Variants in LSS observed in about 807,000 individuals in gnomAD.
The protein encoded by LSS is 2,3-epoxysqualene-lanosterol cyclase.
LSS carries 90 observed loss-of-function variants against 110.3 expected under a neutral mutation model. That is an observed-to-expected ratio of 0.82 (90% CI 0.69 to 0.97). The LOEUF is 0.97. Among genes scored for constraint, LSS ranks in the 50% least tolerant of loss-of-function variants. The probability of loss-of-function intolerance (pLI) is 0.00; values close to 1 mark genes in which losing one functional copy is unlikely to be tolerated. For synonymous variants in LSS, 433 were observed against 400.0 expected (o/e 1.08, Z -0.98); for missense variants, 927 against 990.0 (o/e 0.94, Z 0.85).
At position 46,192,076 on chromosome 21, in the gene LSS, G is replaced by A. The variant is rs959464883; in HGVS notation, c.1989-117C>T. On this transcript the variant is annotated intron_variant, in intron 20 of 21. Transcript: ENST00000397728. The stretch of plus-strand genomic sequence containing the variant: ...GGAATGCTGCAGTGAGAATGGATGG[G>A]TCTAAACTGACGCCCACAGGCCCCG... 14 of 819,178 alleles carry A rather than the reference G, an allele frequency of 1.7e-5. No individual in the cohort carries two copies. In the African/African-American group the frequency reaches 2.4e-4, roughly 14 times the overall value. The allele number at this position is 819,178 out of a possible 1,614,324, so 50.7% of individuals were successfully genotyped here. A position where few individuals can be genotyped will look rare whatever the true frequency, so the allele number is the denominator to read the frequency against.
Position 46,188,991 on chromosome 21 carries a change from T to C in LSS, c.*2113A>G. On this transcript the variant is annotated 3_prime_UTR_variant, in exon 22 of 22. Coordinates refer to ENST00000397728, the MANE Select transcript of LSS (RefSeq NM_002340.6). ...TCAGGTAACTGGAGACGCACCCTGCTACTCCTCACGTCACTCTTGTTCCCT... is the reference window on the plus strand; with the variant it reads ...TCAGGTAACTGGAGACGCACCCTGCCACTCCTCACGTCACTCTTGTTCCCT... The C allele has an allele frequency of 2.8e-6, 1 of 351,560 alleles. No individual in the cohort carries two copies. Among genetic ancestry groups the C allele is most frequent in the South Asian group, 2.2e-5 (1 of 45,746 alleles). The allele number at this position is 351,560 out of a possible 1,614,324, so 21.8% of individuals were successfully genotyped here.
chr21:46,205,279 G>A (rs1365629007), intron 17 of LSS, among the ~76,000 whole-genome samples: 1 of 136,986 alleles, frequency 7.3e-6, no homozygotes, highest in East Asian at 2.0e-4. Flanking sequence ...CGAGCCACCT[G>A]ACTAACCGCG....
At position 46,227,619 on chromosome 21, in the gene LSS, G is replaced by A. The variant is rs780658837; in HGVS notation, c.252C>T (p.Tyr84=). ...FEGALNGMTF[Y]VGLQAEDGHW... is the part of the protein sequence containing the mutation. ...GCCCATCCTCAGCCTGCAGCCCCAC[G>A]TAAAATGTCATCCCGTTCAGAGCCC... is the stretch of plus-strand genomic sequence containing the variant. Residue 84 remains tyrosine (Y), a synonymous_variant, in exon 3 of 22, where the codon TAC becomes TAT. Coordinates refer to ENST00000397728, the MANE Select transcript of LSS (RefSeq NM_002340.6). 2.7e-5 allele frequency: 43 copies of A among 1,613,616 alleles called. No homozygotes were observed. The highest frequency in any genetic ancestry group is 3.4e-5 in the Non-Finnish European group (40 of 1,179,982).
At chr21:46,192,143 C>T (rs1290681058) in intron 20 of LSS, 184 bp from the exon 21 acceptor site, 5 of 626,190 alleles carry the variant, frequency 8.0e-6, no homozygotes, top group Non-Finnish European at 1.4e-5. Context: ...ACACCTTCTT[C>T]CTAGGCTCCC....
Position 46,227,547 on chromosome 21 carries a change from C to T in LSS, c.319+5G>A. 2 of 1,613,958 alleles carry T rather than the reference C, an allele frequency of 1.2e-6. No individual in the cohort carries two copies. The highest frequency in any genetic ancestry group is 1.7e-6 in the Non-Finnish European group (2 of 1,179,978). On this transcript the variant is annotated splice_donor_5th_base_variant and intron_variant, in intron 3 of 21. Transcript: ENST00000397728. ...TACCATCAGGCTGGGGCAGCATACT[C>T]CTACCTGGCAGGAGGAAAAGTGGGC...
Position 46,214,110 on chromosome 21 carries a change from G to A in LSS, c.1012-275C>T, listed in dbSNP as rs2080169527. On this transcript the variant is annotated intron_variant, in intron 9 of 21. Coordinates refer to ENST00000397728, the MANE Select transcript of LSS (RefSeq NM_002340.6). Reference sequence around the variant, plus strand: ...GAGCAGCACTCCACCAGGGAGAAGCGAGGGGTTCCAGGAGAAACCAGAGGG... The same window carrying A: ...GAGCAGCACTCCACCAGGGAGAAGCAAGGGGTTCCAGGAGAAACCAGAGGG... Among the ~76,000 whole-genome samples the A allele has an allele frequency of 5.3e-5, 8 of 152,336 alleles. No individual in the cohort carries two copies. The South Asian group carries it at 1.7e-3, about 32-fold the overall frequency.
intron 20 of LSS, chr21:46,193,204 C>T (rs1438076795): frequency 4.5e-6 from 2 of 447,146 alleles, no homozygotes; most frequent in African/African-American, 2.1e-5. Flanking sequence ...AGATGGGATG[C>T]TGTGGGTGTA....
At chr21:46,214,535 G>A (rs73386507) in intron 9 of LSS, among the ~76,000 whole-genome samples, 2,076 of 152,310 alleles carry the variant, frequency 0.014, 36 homozygotes, top group African/African-American at 0.047. Context: ...GGTATGTCCA[G>A]AGAATGCCTA....
chr21:46,212,925 C>G (rs1466686799), intron 11 of LSS, 100 bp downstream of exon 11: 13 of 1,442,146 alleles, frequency 9.0e-6, no homozygotes, highest in African/African-American at 1.4e-5. Flanking sequence ...GCTGCCGGGA[C>G]CTGGTCCAGG....
In LSS at chr21:46,219,495, T is replaced by C; in HGVS notation, c.628A>G (p.Thr210Ala). 6.3e-7 allele frequency: 1 copy of C among 1,599,316 alleles called. No individual in the cohort carries two copies. Among genetic ancestry groups the C allele is most frequent in the Non-Finnish European group, 8.5e-7 (1 of 1,172,960 alleles). Reference protein sequence around the residue: ...LNVYSWEGLNTLFPEMWLFPD... With the variant: ...LNVYSWEGLNALFPEMWLFPD... ...ACATACCACATCTCTGGGAACAGGG[T>C]ATTGAGGCCTTCCCAGCTGTAAACA... is the stretch of plus-strand genomic sequence containing the variant. Residue 210 changes from threonine to alanine, a missense_variant, in exon 6 of 22, where the codon ACC (threonine) becomes GCC (alanine). Thr to Ala is a moderately conservative substitution (Grantham distance 58, BLOSUM62 0). Transcript: ENST00000397728.
intron 17 of LSS, among the ~76,000 whole-genome samples, chr21:46,200,188 A>G (rs2079961749): frequency 6.6e-6 from 1 of 152,232 alleles, no homozygotes. Context: ...ATGCGTCCAC[A>G]GTGATAAATA....
At chr21:46,199,452 G>A (rs1483979352) in intron 17 of LSS, among the ~76,000 whole-genome samples, 7 of 152,190 alleles carry the variant, frequency 4.6e-5, no homozygotes, top group Admixed American at 4.6e-4. Context: ...ATACAGTTTG[G>A]CAGCTTCTTA....
chr21:46,224,121 T>C (rs2080309509), intron 3 of LSS, among the ~76,000 whole-genome samples: 1 of 152,232 alleles, frequency 6.6e-6, no homozygotes. Flanking sequence ...TAGATAGCAG[T>C]AGTCAATTAG....
chr21:46,207,179 TCCC>T (rs952004207), intron 15 of LSS, among the ~76,000 whole-genome samples: 1 of 152,092 alleles, frequency 6.6e-6, no homozygotes. Context: ...CCACGCCGGC[TCCC>T]CCAAGTATCG....
chr21:46,209,694 C>T lies in LSS; in HGVS notation c.1195-69G>A, dbSNP rs980120052. 1.0e-4 allele frequency: 147 copies of T among 1,408,272 alleles called. 1 individual carries two copies. In the South Asian group the frequency reaches 1.6e-3, roughly 15 times the overall value. 87.2% of individuals were successfully genotyped at this position (1,408,272 alleles called of 1,614,324 possible). A position where few individuals can be genotyped will look rare whatever the true frequency, so the allele number is the denominator to read the frequency against. ...GGCCAGCATGGCTGCGCTGGTTTCC[C>T]GATGGTCCTGGCCACATCCTGCCCC... On this transcript the variant is annotated intron_variant, in intron 12 of 21. Coordinates refer to ENST00000397728, the MANE Select transcript of LSS (RefSeq NM_002340.6). This position sits in a 1 kb window ranked among gnomAD's most constrained non-coding sequence, Gnocchi z 4.4.
rs572108875 is a variant in LSS, at chr21:46,209,839, G to T, written c.1195-214C>A. On this transcript the variant is annotated intron_variant, in intron 12 of 21. Transcript: ENST00000397728. This position sits in a 1 kb window ranked among gnomAD's most constrained non-coding sequence, Gnocchi z 4.4. ...GAGATATGACTGAAGATGGAAGGGC[G>T]CAGGAGACCATTTATGGATGCCAGC... Among the ~76,000 whole-genome samples the T allele has an allele frequency of 1.3e-5, 2 of 152,156 alleles. No individual in the cohort carries two copies. Among genetic ancestry groups the T allele is most frequent in the East Asian group, 3.9e-4 (2 of 5,150 alleles).
rs755972851 is a variant in LSS, at chr21:46,219,527, A to C, written c.596T>G (p.Val199Gly). 2.3e-5 allele frequency: 37 copies of C among 1,603,750 alleles called. No homozygotes were observed. The highest frequency in any genetic ancestry group is 5.1e-5 in the Admixed American group (3 of 58,624). The change falls in exon 6 of 22, where the codon GTC (valine) becomes GGC (glycine). Residue 199 changes from valine to glycine, a missense_variant. Physicochemically the swap from Val to Gly is moderately radical, Grantham distance 109. Coordinates refer to ENST00000397728, the MANE Select transcript of LSS (RefSeq NM_002340.6). Reference protein sequence around the residue: ...IPSWGKFWLAVLNVYSWEGLN... With the variant: ...IPSWGKFWLAGLNVYSWEGLN... ...GCCTTCCCAGCTGTAAACATTCAGG[A>C]CAGCCAGCCAGAACTTCCCCCAGGA...
chr21:46,223,527 C>T (rs981900512), intron 3 of LSS, among the ~76,000 whole-genome samples: 7 of 152,204 alleles, frequency 4.6e-5, no homozygotes, highest in Admixed American at 2.6e-4. Flanking sequence ...GCCACCCAGG[C>T]GCCAAGGCAA....
At position 46,195,880 on chromosome 21, in the gene LSS, T is replaced by C. The variant is rs2079903019; in HGVS notation, c.1737-124A>G. The C allele has an allele frequency of 5.3e-6, 4 of 759,012 alleles. No homozygotes were observed. The Admixed American group carries it at 6.1e-5, about 12-fold the overall frequency. 47.0% of individuals were successfully genotyped at this position (759,012 alleles called of 1,614,324 possible). On this transcript the variant is annotated intron_variant, in intron 18 of 21. Transcript: ENST00000397728. The stretch of plus-strand genomic sequence containing the variant: ...CCCACCAACTCCAGTGCCTCAGGCA[T>C]TAAGGCCGTGGAAGACAGCAGCTCT...
Sources: gnomAD v4.1 joint callset for allele counts (sites outside exome capture counted in the v4.1 genomes callset) on GRCh38, gnomAD v4.1.1 for gene constraint, Gnocchi (gnomAD v3.1) non-coding constraint, MANE v1.5 for transcripts, NCBI Gene and HGNC (gene_info 2026-07-23, HGNC 2026-07-21) for gene names.